Variants in OFD1 observed in about 807,000 individuals in gnomAD.
OFD1 encodes the protein OFD1 centriole and centriolar satellite protein, also known as centriole and centriolar satellite protein OFD1.
In OFD1, 12 loss-of-function variants were observed where a neutral mutation model predicts 81.4. The ratio of observed to expected loss-of-function variants is 0.15; its 90% CI spans 0.09 to 0.24. The LOEUF is 0.24. OFD1 is among the 10% of genes least tolerant of loss of function. The pLI is 1.00. For synonymous variants in OFD1, 256 were observed against 263.7 expected, an observed-to-expected ratio of 0.97 and a Z score of 0.28; for missense variants, 685 against 733.9, an observed-to-expected ratio of 0.93 and a Z score of 0.77.
At position 13,753,549 on chromosome X, in the gene OFD1, T is replaced by G. The variant is rs932827795; in HGVS notation, c.1129+108T>G. 1.5e-4 allele frequency: 106 copies of G among 712,445 alleles called. No homozygotes were observed. In the Middle Eastern group the frequency reaches 2.2e-3, roughly 15 times the overall value. 58.7% of individuals were successfully genotyped at this position (712,445 alleles called of 1,213,427 possible). On this transcript the variant is annotated intron_variant, in intron 11 of 22. Coordinates refer to ENST00000340096, the MANE Select transcript of OFD1 (RefSeq NM_003611.3). ...CTAAAAAATACAGCTTACACTTCAT[T>G]GTTCATACAAAATTACACATTTTTT...
the OFD1 span, among the ~76,000 whole-genome samples, chrX:13,724,600 T>C: frequency 9.0e-6 from 1 of 111,257 alleles, no homozygotes; most frequent in Non-Finnish European, 1.9e-5. Flanking sequence ...AACCTCAAGA[T>C]AGGTATATTA....
At chrX:13,761,926 T>TTTG (rs1555907488) in intron 17 of OFD1, among the ~76,000 whole-genome samples, 3 of 106,887 alleles carry the variant, frequency 2.8e-5, no homozygotes, top group Admixed American at 1.0e-4. Flanking sequence ...TTTTTTTTTT[T>TTTG]TGTGATAAGC....
chrX:13,765,432 C>G (rs756175266), intron 19 of OFD1, among the ~76,000 whole-genome samples: 26 of 111,371 alleles, frequency 2.3e-4, no homozygotes, highest in Non-Finnish European at 4.2e-4. Flanking sequence ...ATTTTTTCTT[C>G]TCTAGCAAGG....
At chrX:13,735,729 T>TA (rs370876896) in intron 2 of OFD1, among the ~76,000 whole-genome samples, 299 of 112,227 alleles carry the variant, frequency 2.7e-3, no homozygotes, top group African/African-American at 9.3e-3. Context: ...ATATAGAAAA[T>TA]ACTAGTGTAC....
At chrX:13,766,050 G>A (rs987455873) in intron 19 of OFD1, among the ~76,000 whole-genome samples, 3 of 111,981 alleles carry the variant, frequency 2.7e-5, no homozygotes, top group African/African-American at 9.7e-5. Flanking sequence ...ATAGAGCCAC[G>A]GCCAGGCCCC....
the OFD1 span, chrX:13,716,086 A>G: frequency 8.4e-7 from 1 of 1,186,931 alleles, no homozygotes; most frequent in Non-Finnish European, 1.1e-6. Context: ...AATAAACCTC[A>G]TATGTGAAAT....
intron 22 of OFD1, 69 bp downstream of exon 22, chrX:13,768,854 A>T (rs2048233649): frequency 1.1e-6 from 1 of 923,203 alleles, no homozygotes; most frequent in South Asian, 2.0e-5. Flanking sequence ...CAAGAGAAAC[A>T]GATGTTTGAG....
At chrX:13,727,725 C>T in the OFD1 span, among the ~76,000 whole-genome samples, 1 of 111,704 alleles carries the variant, frequency 9.0e-6, no homozygotes, top group African/African-American at 3.3e-5. Context: ...CAAAAGCTAG[C>T]AGAAGACAAG....
intron 17 of OFD1, among the ~76,000 whole-genome samples, 177 bp downstream of exon 17, chrX:13,761,388 T>A (rs2047924691): frequency 9.0e-6 from 1 of 111,418 alleles, no homozygotes; most frequent in South Asian, 3.7e-4. Flanking sequence ...TCATCTAAAT[T>A]ACCTGGAGGG....
the OFD1 span, among the ~76,000 whole-genome samples, chrX:13,722,855 A>G: frequency 9.0e-6 from 1 of 111,455 alleles, no homozygotes; most frequent in Non-Finnish European, 1.9e-5. Context: ...CGAGGTCAGG[A>G]GATCGAGACC....
chrX:13,742,859 C>T (rs754896221), intron 5 of OFD1, among the ~76,000 whole-genome samples: 3 of 111,126 alleles, frequency 2.7e-5, no homozygotes, highest in Non-Finnish European at 1.9e-5. Context: ...GACCCAGTGT[C>T]GAAACCCATA....
intron 20 of OFD1, 120 bp from the exon 21 acceptor site, chrX:13,767,934 T>C (rs1005118965): frequency 4.5e-6 from 3 of 663,576 alleles, no homozygotes; most frequent in African/African-American, 4.5e-5. Flanking sequence ...TTTTAAAAAT[T>C]AGTCCTCTGG....
Position 13,735,229 on chromosome X carries a change from T to C in OFD1, c.13-19T>C, listed in dbSNP as rs1365617385. 2 of 1,206,351 alleles carry C rather than the reference T, an allele frequency of 1.7e-6. No individual in the cohort carries two copies. The highest frequency in any genetic ancestry group is 2.2e-6 in the Non-Finnish European group (2 of 890,088). On this transcript the variant is annotated intron_variant, in intron 1 of 22. Transcript: ENST00000340096. ...TTCCCTCTGCCCCGCAGGTAACCTATAACCATTTTGTCTTTTAGTCCAACA... is the reference window on the plus strand; with the variant it reads ...TTCCCTCTGCCCCGCAGGTAACCTACAACCATTTTGTCTTTTAGTCCAACA...
Position 13,755,066 on chromosome X carries a change from C to G in OFD1, c.1130-85C>G, listed in dbSNP as rs745351882. ...GATTGTGAAATAGTGGTCATTAGGT[C>G]TGACATACTGGCCATAAATATTAAA... is the stretch of plus-strand genomic sequence containing the variant. On this transcript the variant is annotated intron_variant, in intron 11 of 22. Coordinates refer to ENST00000340096, the MANE Select transcript of OFD1 (RefSeq NM_003611.3). 5.8e-4 allele frequency: 384 copies of G among 664,126 alleles called. 1 individual carries two copies. In the African/African-American group the frequency reaches 6.0e-3, roughly 10 times the overall value. 54.7% of individuals were successfully genotyped at this position (664,126 alleles called of 1,213,427 possible). A position where few individuals can be genotyped will look rare whatever the true frequency, so the allele number is the denominator to read the frequency against.
In OFD1 at chrX:13,760,520, C is replaced by T. The variant is rs146251034; in HGVS notation, c.2060C>T (p.Pro687Leu). Residue 687 changes from proline to leucine, a missense_variant, in exon 16 of 23, where the codon CCG becomes CTG. Physicochemically the swap from Pro to Leu is moderately conservative, Grantham distance 98 (BLOSUM62 -3). Coordinates refer to ENST00000340096, the MANE Select transcript of OFD1 (RefSeq NM_003611.3). Reference sequence around the variant, plus strand: ...TTCAAAAACATTACTTCCAGTTCCCCGGAAAGACATATTTTTGGAGAGGAC... The same window carrying T: ...TTCAAAAACATTACTTCCAGTTCCCTGGAAAGACATATTTTTGGAGAGGAC... Reference protein sequence around the residue: ...EAFKNITSSSPERHIFGEDRV... With the variant: ...EAFKNITSSSLERHIFGEDRV... 187 of 1,168,685 alleles carry T rather than the reference C, an allele frequency of 1.6e-4. No homozygotes were observed. Among genetic ancestry groups the T allele is most frequent in the Middle Eastern group, 4.8e-4 (2 of 4,133 alleles).
intron 1 of OFD1, 21 bp downstream of exon 1, chrX:13,735,104 T>G: frequency 8.3e-7 from 1 of 1,205,171 alleles, no homozygotes; most frequent in Non-Finnish European, 1.1e-6. Context: ...CTGCCCCTTC[T>G]CGGGCGGAAA....
chrX:13,722,208 C>CCAAAAAAAAAAAAAAAAAAAAAAAAA, the OFD1 span: 2 of 36,118 alleles, frequency 5.5e-5, no homozygotes, highest in Admixed American at 2.7e-4. Flanking sequence ...TAAGCAGCAG[C>CCAAAAAAAAAAAAAAAAAAAAAAAAA]AAAAAAAAAA....
the OFD1 span, among the ~76,000 whole-genome samples, chrX:13,725,514 CCTGA>C: frequency 1.1e-4 from 12 of 112,372 alleles, no homozygotes; most frequent in African/African-American, 3.9e-4. Flanking sequence ...AGCTGAGGGA[CCTGA>C]CTGTTAGAAG....
At chrX:13,734,688 A>T, upstream of OFD1, 1 of 951,675 alleles carries the variant, frequency 1.1e-6, no homozygotes, top group Non-Finnish European at 1.3e-6. Flanking sequence ...AACCAAGCTC[A>T]TGCGCCGTAG....
Sources: allele counts gnomAD v4.1 joint callset (sites outside exome capture counted in the v4.1 genomes callset), GRCh38; gene constraint gnomAD v4.1.1; transcripts MANE v1.5; gene names NCBI Gene and HGNC (gene_info 2026-07-23, HGNC 2026-07-21).